The following SFMBT2 variants were observed in gnomAD, a reference collection of about 807,000 sequenced individuals.
The protein encoded by SFMBT2 is Scm like with four mbt domains 2, also known as scm-like with four MBT domains protein 2.
A neutral mutation model predicts 110.1 loss-of-function variants in SFMBT2; 38 were observed. That is an observed-to-expected ratio of 0.35 (90% CI 0.27 to 0.45). The LOEUF (loss-of-function observed/expected upper bound fraction) is 0.45. Ranked by LOEUF, SFMBT2 falls within the 20% of genes least tolerant of loss-of-function variation. The probability of loss-of-function intolerance (pLI) is 1.00; values close to 1 mark genes in which losing one functional copy is unlikely to be tolerated. For synonymous variants in SFMBT2, 425 were observed against 425.4 expected, an observed-to-expected ratio of 1.00 and a Z score of 0.01; for missense variants, 1,011 against 1,094.9, an observed-to-expected ratio of 0.92 and a Z score of 1.08.
rs527545796 is a variant in SFMBT2 at position 7,359,340 on chromosome 10, A to G, written c.436+8309T>C. Among the ~76,000 whole-genome samples the G allele has an allele frequency of 1.4e-4, 21 of 152,306 alleles. No individual in the cohort carries two copies. The South Asian group carries it at 1.4e-3, about 11-fold the overall frequency. The stretch of plus-strand genomic sequence containing the variant: ...AGCAGGCCAGGGCCAGGATCCTTAC[A>G]AGGGGAGGTGGGGCACCAAGGGAGG... On this transcript the variant is annotated intron_variant, in intron 4 of 20. Coordinates refer to ENST00000397167, the MANE Select transcript of SFMBT2 (RefSeq NM_001387889.1).
intron 4 of SFMBT2, among the ~76,000 whole-genome samples, chr10:7,343,787 A>C (rs1434612472): frequency 6.6e-6 from 1 of 152,182 alleles, no homozygotes. Flanking sequence ...TGATGGTTCT[A>C]ACTTAGAAGC....
At position 7,192,661 on chromosome 10, in the gene SFMBT2, G is replaced by A. The variant is rs748737535; in HGVS notation, c.1699-3928C>T. On this transcript the variant is annotated intron_variant, in intron 15 of 20. Transcript: ENST00000397167. ...TGCATCAGCCACAGGGGCAGAAATC[G>A]AAACCGTAAATAACAGCTGAGGCCA... 9.8e-4 allele frequency among the ~76,000 whole-genome samples: 149 copies of A among 152,154 alleles called. 3 individuals carry two copies. Among genetic ancestry groups the A allele is most frequent in the Non-Finnish European group, 4.4e-4 (30 of 68,030 alleles).
At chr10:7,307,885 A>G (rs945105494) in intron 4 of SFMBT2, among the ~76,000 whole-genome samples, 2 of 152,216 alleles carry the variant, frequency 1.3e-5, no homozygotes, top group Admixed American at 6.5e-5. Context: ...CAAGCCACAA[A>G]CTATTAAAAG....
intron 1 of SFMBT2, among the ~76,000 whole-genome samples, chr10:7,385,727 C>T (rs540690529): frequency 4.6e-5 from 7 of 152,266 alleles, no homozygotes; most frequent in Non-Finnish European, 1.0e-4. Context: ...TGGCCAGGCA[C>T]AGTGGCTCAC....
At chr10:7,305,875 G>C (rs1025768512) in intron 4 of SFMBT2, among the ~76,000 whole-genome samples, 15 of 152,210 alleles carry the variant, frequency 9.9e-5, no homozygotes, top group African/African-American at 3.4e-4. Flanking sequence ...GAACACAGCA[G>C]GAACAGTGTG....
At chr10:7,368,989 T>A (rs969128681) in intron 3 of SFMBT2, among the ~76,000 whole-genome samples, 9 of 152,322 alleles carry the variant, frequency 5.9e-5, no homozygotes, top group African/African-American at 2.2e-4. Context: ...AAATTCCTTT[T>A]GGAAAGAACA....
intron 11 of SFMBT2, 148 bp from the exon 12 acceptor site, chr10:7,206,076 G>A: frequency 7.2e-7 from 1 of 1,390,294 alleles, no homozygotes; most frequent in Non-Finnish European, 9.3e-7. Flanking sequence ...TAGCCATATG[G>A]AAGAGATGAC....
At chr10:7,173,695 A>G (rs1015593835) in intron 17 of SFMBT2, among the ~76,000 whole-genome samples, 2 of 152,226 alleles carry the variant, frequency 1.3e-5, no homozygotes, top group African/African-American at 4.8e-5. Context: ...ATTACGACCC[A>G]GACGCCTACT....
Position 7,171,044 on chromosome 10 carries a change from C to T in SFMBT2, c.2428G>A (p.Glu810Lys), listed in dbSNP as rs1447555946. The T allele has an allele frequency of 1.9e-6, 3 of 1,614,062 alleles. No homozygotes were observed. The highest frequency in any genetic ancestry group is 2.7e-5 in the African/African-American group (2 of 74,944). The change falls in exon 20 of 21, where the codon GAG (glutamate) becomes AAG (lysine). Residue 810 changes from glutamate to lysine, a missense_variant. By Grantham distance (56) the Glu-to-Lys change is moderately conservative. Coordinates refer to ENST00000397167, the MANE Select transcript of SFMBT2 (RefSeq NM_001387889.1). This position sits in a 1 kb window ranked among gnomAD's most constrained non-coding sequence, Gnocchi z 4.9. ...KPEGTEDTKQ[E>K]EEERLVLESN... ...TCCAGAACCAGTCTCTCCTCCTCCTCCTGTTTCGTGTCCTGCAGAGAAAGG... is the reference window on the plus strand; with the variant it reads ...TCCAGAACCAGTCTCTCCTCCTCCTTCTGTTTCGTGTCCTGCAGAGAAAGG...
chr10:7,244,227 T>C (rs1039835347), intron 8 of SFMBT2: 1 of 244,218 alleles, frequency 4.1e-6, no homozygotes, highest in Non-Finnish European at 6.6e-6. Context: ...CTAAGCCTCA[T>C]GGACTACAAC....
intron 3 of SFMBT2, 107 bp downstream of exon 3, chr10:7,370,174 T>TC (rs1588487980): frequency 1.0e-6 from 1 of 993,608 alleles, no homozygotes; most frequent in Non-Finnish European, 1.6e-6. Flanking sequence ...GCCACGAATT[T>TC]CCCTCTTTCC....
At position 7,177,643 on chromosome 10, in the gene SFMBT2, C is replaced by T. The variant is rs375534488; in HGVS notation, c.1809-1478G>A. 5.8e-4 allele frequency among the ~76,000 whole-genome samples: 89 copies of T among 152,202 alleles called. No individual in the cohort carries two copies. In the South Asian group the frequency reaches 0.016, roughly 28 times the overall value. On this transcript the variant is annotated intron_variant, in intron 16 of 20. Transcript: ENST00000397167. ...TCTTTGGGAGGCCGAGGCAGGAGGA[C>T]TGCTAGAGCCCAGAGGTTTAAGACC...
intron 20 of SFMBT2, among the ~76,000 whole-genome samples, chr10:7,167,055 C>T (rs1837714619): frequency 6.6e-6 from 1 of 152,154 alleles, no homozygotes; most frequent in African/African-American, 2.4e-5. Flanking sequence ...ACATGCTTAG[C>T]ACAGGGCAAA....
chr10:7,179,976 A>G (rs2762617), intron 16 of SFMBT2, among the ~76,000 whole-genome samples: 36,101 of 152,144 alleles, frequency 0.24, 7,042 homozygotes, highest in African/African-American at 0.54. Flanking sequence ...AAGCCATGGC[A>G]GTGAGGGGTA....
intron 16 of SFMBT2, among the ~76,000 whole-genome samples, chr10:7,181,300 T>C (rs886184133): frequency 7.4e-5 from 11 of 149,536 alleles, no homozygotes; most frequent in Non-Finnish European, 1.6e-4. Context: ...TTCAAAATAC[T>C]CCAAATTCTG....
At chr10:7,393,828 A>G (rs1845847694) in intron 1 of SFMBT2, among the ~76,000 whole-genome samples, 2 of 152,188 alleles carry the variant, frequency 1.3e-5, no homozygotes, top group African/African-American at 4.8e-5. Context: ...CCCCATGAAC[A>G]GCAAAACAGA....
chr10:7,242,883 AC>A (rs958149712), intron 9 of SFMBT2, among the ~76,000 whole-genome samples: 11 of 152,246 alleles, frequency 7.2e-5, no homozygotes, highest in African/African-American at 2.6e-4. Flanking sequence ...CAATAAGTTT[AC>A]TTTTCTCATC....
chr10:7,311,045 C>CAAAAAAAACAAAAAAAAAAAAACAAAAA, intron 4 of SFMBT2, among the ~76,000 whole-genome samples: 1 of 96,942 alleles, frequency 1.0e-5, no homozygotes, highest in Non-Finnish European at 2.0e-5. Context: ...AACTCCATCT[C>CAAAAAAAACAAAAAAAAAAAAACAAAAA]AAAAAAAAAA....
At chr10:7,231,640 T>C (rs1054092099) in intron 9 of SFMBT2, among the ~76,000 whole-genome samples, 5 of 152,206 alleles carry the variant, frequency 3.3e-5, no homozygotes, top group Non-Finnish European at 7.3e-5. Context: ...CCATTTCTAA[T>C]CTGATAATTT....
Sources: gnomAD v4.1 joint callset for allele counts (sites outside exome capture counted in the v4.1 genomes callset) on GRCh38, gnomAD v4.1.1 for gene constraint, Gnocchi (gnomAD v3.1) non-coding constraint, MANE v1.5 for transcripts, NCBI Gene and HGNC (gene_info 2026-07-23, HGNC 2026-07-21) for gene names.